Variants in CDH9 observed in about 807,000 individuals in gnomAD.
CDH9 encodes the protein cadherin-9.
A neutral mutation model predicts 70.9 loss-of-function variants in CDH9; 28 were observed. That is an observed-to-expected ratio of 0.40 (90% CI 0.29 to 0.54). The LOEUF is 0.54. Ranked by LOEUF, CDH9 falls within the 20% of genes least tolerant of loss-of-function variation. The pLI, the probability that CDH9 is intolerant of heterozygous loss-of-function variation, is 0.59. For missense variants in CDH9, 874 were observed against 984.4 expected (o/e 0.89, Z 1.50); for synonymous variants, 409 against 343.1 (o/e 1.19, Z -2.12).
intron 2 of CDH9, among the ~76,000 whole-genome samples, chr5:26,922,568 G>A (rs1741263864): frequency 6.6e-6 from 1 of 151,936 alleles, no homozygotes; most frequent in South Asian, 2.1e-4. Flanking sequence ...ATCAACACCA[G>A]ACCTGACCTA....
chr5:26,932,791 A>G (rs1400207249), intron 2 of CDH9, among the ~76,000 whole-genome samples: 1 of 151,580 alleles, frequency 6.6e-6, no homozygotes, highest in Non-Finnish European at 1.5e-5. Flanking sequence ...ATTTGTAAGT[A>G]TTTTCTATTA....
chr5:26,956,390 C>T (rs1006112040), intron 2 of CDH9, among the ~76,000 whole-genome samples: 10 of 152,048 alleles, frequency 6.6e-5, no homozygotes, highest in Admixed American at 4.6e-4. Context: ...TCTTTATCAG[C>T]AGTGTGAAAA....
intron 2 of CDH9, among the ~76,000 whole-genome samples, chr5:26,969,646 G>T (rs1742184327): frequency 6.6e-6 from 1 of 151,940 alleles, no homozygotes; most frequent in Non-Finnish European, 1.5e-5. Context: ...AATATTTGTT[G>T]TGAAACTGAA....
At chr5:26,943,824 C>G (rs1741702436) in intron 2 of CDH9, among the ~76,000 whole-genome samples, 3 of 152,092 alleles carry the variant, frequency 2.0e-5, no homozygotes, top group Admixed American at 6.5e-5. Context: ...TTAAGTAATG[C>G]TAATTACATC....
intron 2 of CDH9, among the ~76,000 whole-genome samples, chr5:26,968,839 T>C (rs756484192): frequency 5.3e-4 from 81 of 152,112 alleles, no homozygotes; most frequent in Non-Finnish European, 1.0e-3. Context: ...ATAAAAGCAA[T>C]ATGCAAATAT....
At chr5:26,981,049 T>G (rs1332102449) in intron 2 of CDH9, among the ~76,000 whole-genome samples, 13 of 152,048 alleles carry the variant, frequency 8.5e-5, no homozygotes, top group Admixed American at 8.5e-4. Context: ...TGTCGGTACA[T>G]TGGTTTTTTG....
intron 7 of CDH9, among the ~76,000 whole-genome samples, chr5:26,895,667 G>C (rs1044381762): frequency 1.3e-5 from 2 of 152,070 alleles, no homozygotes; most frequent in Non-Finnish European, 2.9e-5. Flanking sequence ...AGGTGAAGCA[G>C]AGCTGACAAC....
At chr5:26,959,209 A>G (rs1194273923) in intron 2 of CDH9, among the ~76,000 whole-genome samples, 2 of 152,154 alleles carry the variant, frequency 1.3e-5, no homozygotes, top group Non-Finnish European at 2.9e-5. Context: ...TTGAAAATAA[A>G]TTTCCTCAGA....
intron 11 of CDH9, among the ~76,000 whole-genome samples, chr5:26,882,506 G>T (rs1450922070): frequency 6.6e-6 from 1 of 151,906 alleles, no homozygotes; most frequent in Non-Finnish European, 1.5e-5. Flanking sequence ...TGTACTGGAA[G>T]ATGAACCTTT....
chr5:26,996,925 T>C (rs930841093), intron 1 of CDH9, among the ~76,000 whole-genome samples: 2 of 152,030 alleles, frequency 1.3e-5, no homozygotes, highest in African/African-American at 4.8e-5. Flanking sequence ...AGCAGAAATA[T>C]GAGCTGCCAT....
At chr5:26,938,190 G>T (rs1741594128) in intron 2 of CDH9, among the ~76,000 whole-genome samples, 1 of 149,160 alleles carries the variant, frequency 6.7e-6, no homozygotes, top group African/African-American at 2.5e-5. Context: ...AAAATGCATA[G>T]TTACAAAAAA....
intron 1 of CDH9, among the ~76,000 whole-genome samples, chr5:27,005,535 G>T (rs146415097): frequency 9.3e-4 from 141 of 152,222 alleles, no homozygotes; most frequent in Middle Eastern, 3.4e-3. Context: ...TGACGAGGTC[G>T]TGGAGAAAAG....
chr5:26,963,524 A>C (rs1290977603), intron 2 of CDH9, among the ~76,000 whole-genome samples: 1 of 152,142 alleles, frequency 6.6e-6, no homozygotes, highest in African/African-American at 2.4e-5. Flanking sequence ...AAGTTGTAAA[A>C]TTAGCACCAA....
chr5:26,975,765 C>G (rs932493959), intron 2 of CDH9, among the ~76,000 whole-genome samples: 3 of 152,162 alleles, frequency 2.0e-5, no homozygotes, highest in Non-Finnish European at 4.4e-5. Context: ...AATTTATGGC[C>G]TTAATTTAAG....
intron 1 of CDH9, among the ~76,000 whole-genome samples, chr5:27,029,863 T>C (rs1743281046): frequency 6.6e-6 from 1 of 151,936 alleles, no homozygotes; most frequent in Non-Finnish European, 1.5e-5. Flanking sequence ...AATTATAAGA[T>C]GGGCTGACAT....
chr5:26,926,921 C>CCT (rs150567720), intron 2 of CDH9, among the ~76,000 whole-genome samples: 10 of 135,050 alleles, frequency 7.4e-5, no homozygotes, highest in South Asian at 7.3e-4. Flanking sequence ...AATACAGCCC[C>CCT]CCCCCGCAAA....
intron 1 of CDH9, among the ~76,000 whole-genome samples, chr5:27,028,575 TC>T (rs933854972): frequency 1.3e-5 from 2 of 152,126 alleles, no homozygotes; most frequent in Admixed American, 6.6e-5. Flanking sequence ...ACAAGTCTTT[TC>T]CACAAAGTGT....
intron 8 of CDH9, 51 bp from the exon 9 acceptor site, chr5:26,890,008 G>GA: frequency 6.4e-7 from 1 of 1,565,442 alleles, no homozygotes; most frequent in Non-Finnish European, 8.7e-7. Context: ...CAGAAGCAGT[G>GA]AAACCACTCA....
intron 2 of CDH9, among the ~76,000 whole-genome samples, chr5:26,984,824 G>A (rs1283940724): frequency 6.6e-6 from 1 of 152,074 alleles, no homozygotes; most frequent in African/African-American, 2.4e-5. Flanking sequence ...ATCTCTGATA[G>A]TTTCAGTCAA....
Sources: gnomAD v4.1 joint callset for allele counts (sites outside exome capture counted in the v4.1 genomes callset) on GRCh38, gnomAD v4.1.1 for gene constraint, MANE v1.5 for transcripts, NCBI Gene and HGNC (gene_info 2026-07-23, HGNC 2026-07-21) for gene names.